TRERF1: variants seen among roughly 807,000 people sequenced by gnomAD.
TRERF1 encodes transcriptional-regulating factor 1.
In TRERF1, 27 loss-of-function variants were observed where a neutral mutation model predicts 122.9. That is an observed-to-expected ratio of 0.22 (90% confidence interval 0.16 to 0.30). The LOEUF (loss-of-function observed/expected upper bound fraction) is 0.30. Among genes scored for constraint, TRERF1 ranks in the 10% least tolerant of loss-of-function variants. The pLI is 1.00. For synonymous variants in TRERF1, 636 were observed against 641.7 expected (o/e 0.99, Z 0.13); for missense variants, 1,248 against 1,560.3 (o/e 0.80, Z 3.37).
chr6:42,378,151 G>A (rs1267968397), intron 2 of TRERF1, among the ~76,000 whole-genome samples: 2 of 152,076 alleles, frequency 1.3e-5, no homozygotes, highest in East Asian at 1.9e-4. Flanking sequence ...AGGGGTTGAA[G>A]GGAGGTGGAG....
chr6:42,263,319 C>A lies in TRERF1; in HGVS notation c.1884+1G>T. ...TGTGGGGGAGAGAGGGTCATCCTCA[C>A]GAGCACAGGCATCTCGTCGTCCGAC... is the stretch of plus-strand genomic sequence containing the variant. On this transcript the variant is annotated splice_donor_variant, in intron 8 of 17. Coordinates refer to ENST00000372922, the Ensembl canonical transcript of TRERF1. LOFTEE classifies it high-confidence loss of function. This position sits in a 1 kb window ranked among gnomAD's most constrained non-coding sequence, Gnocchi z 5.6. 1 of 1,609,810 alleles carries A rather than the reference C, an allele frequency of 6.2e-7. No individual in the cohort carries two copies. Among genetic ancestry groups the A allele is most frequent in the Non-Finnish European group, 8.5e-7 (1 of 1,177,890 alleles).
At chr6:42,324,943 A>T (rs2150502336) in intron 3 of TRERF1, among the ~76,000 whole-genome samples, 1 of 152,342 alleles carries the variant, frequency 6.6e-6, no homozygotes, top group African/African-American at 2.4e-5. Context: ...AACAAAAGAA[A>T]CTATCAACAG....
intron 2 of TRERF1, among the ~76,000 whole-genome samples, chr6:42,421,773 AAATTAATT>A (rs199561349): frequency 4.0e-5 from 6 of 151,856 alleles, no homozygotes; most frequent in East Asian, 3.9e-4. Context: ...TGCTGTCTCA[AAATTAATT>A]AATTAATTAA....
chr6:42,256,538 T>C (rs543605378), intron 12 of TRERF1, among the ~76,000 whole-genome samples, 190 bp downstream of exon 12: 2 of 151,900 alleles, frequency 1.3e-5, no homozygotes, highest in African/African-American at 2.4e-5. Flanking sequence ...AGAAATCCAA[T>C]TGGAGATTTT....
intron 3 of TRERF1, among the ~76,000 whole-genome samples, chr6:42,311,948 C>T (rs1475297951): frequency 1.3e-5 from 2 of 152,078 alleles, no homozygotes; most frequent in Non-Finnish European, 2.9e-5. Context: ...AAACCATCAA[C>T]ATTAATACAA....
chr6:42,309,060 G>A (rs1260315454), intron 3 of TRERF1, among the ~76,000 whole-genome samples: 1 of 152,000 alleles, frequency 6.6e-6, no homozygotes, highest in Non-Finnish European at 1.5e-5. Context: ...TACCATTAGA[G>A]ACTTTAACTC....
In TRERF1 at chr6:42,276,581, C is replaced by T. The variant is rs77740177; in HGVS notation, c.-258-6733G>A. ...CAGGATGTGGGCCGCAGTTCGCCGT[C>T]TTCTTTTTAGCACCGTTGTTGTTCT... On this transcript the variant is annotated intron_variant, in intron 4 of 17. Coordinates refer to ENST00000372922, the Ensembl canonical transcript of TRERF1. This position sits in a 1 kb window ranked among gnomAD's most constrained non-coding sequence, Gnocchi z 4.3. Among the ~76,000 whole-genome samples the T allele has an allele frequency of 4.5e-3, 692 of 152,328 alleles. 5 individuals carry two copies. The highest frequency in any genetic ancestry group is 0.016 in the African/African-American group (653 of 41,572).
chr6:42,366,194 T>G (rs1331533931), intron 2 of TRERF1, among the ~76,000 whole-genome samples: 1 of 152,188 alleles, frequency 6.6e-6, no homozygotes, highest in Admixed American at 6.5e-5. Context: ...GCATCTAGCT[T>G]CTCTGGGCAA....
At chr6:42,451,739 C>G (rs945474484) in intron 1 of TRERF1, among the ~76,000 whole-genome samples, 1 of 152,000 alleles carries the variant, frequency 6.6e-6, no homozygotes, top group African/African-American at 2.4e-5. Flanking sequence ...GCCCGCCAGC[C>G]CCCTTTCCCA....
chr6:42,284,575 A>G (rs1782860513), intron 4 of TRERF1, among the ~76,000 whole-genome samples: 1 of 152,142 alleles, frequency 6.6e-6, no homozygotes, highest in African/African-American at 2.4e-5. Flanking sequence ...ATTGGCTTAG[A>G]TCACATTTAA....
intron 2 of TRERF1, among the ~76,000 whole-genome samples, chr6:42,410,257 T>C (rs1286502813): frequency 1.3e-5 from 2 of 152,136 alleles, no homozygotes; most frequent in South Asian, 2.1e-4. Context: ...CCTCCCACCA[T>C]GCGATTCCTC....
chr6:42,246,386 T>C, intron 14 of TRERF1, 70 bp downstream of exon 14: 1 of 1,148,616 alleles, frequency 8.7e-7, no homozygotes. Context: ...TATCCAAATA[T>C]TTCTAAATAT....
intron 2 of TRERF1, among the ~76,000 whole-genome samples, chr6:42,434,705 CA>C (rs1171556823): frequency 3.3e-5 from 5 of 151,780 alleles, no homozygotes; most frequent in Admixed American, 1.3e-4. Context: ...CACACACACA[CA>C]CACACCCCTA....
In TRERF1 at chr6:42,258,175, C is replaced by A. The variant is rs59159203; in HGVS notation, c.2296G>T (p.Val766Phe). The change falls in exon 10 of 18, where the codon GTC becomes TTC. Residue 766 changes from valine (V) to phenylalanine (F), a missense_variant. This residue lies in a region of TRERF1 where 946 missense variants were observed against 1,073.0 expected (regional missense o/e 0.88). Transcript: ENST00000372922. ...GTCTGCTCTCCAGGCCCTGGGGTGA[C>A]CGTCACGTTGCTGCCATCGATGCTG... The A allele has an allele frequency of 6.8e-6, 11 of 1,614,188 alleles. No individual in the cohort carries two copies. The highest frequency in any genetic ancestry group is 6.7e-5 in the East Asian group (3 of 44,886).
At chr6:42,389,400 C>T (rs182064969) in intron 2 of TRERF1, among the ~76,000 whole-genome samples, 244 of 152,304 alleles carry the variant, frequency 1.6e-3, no homozygotes, top group Middle Eastern at 3.4e-3. Flanking sequence ...GTGAAGGCAA[C>T]GTGAGAGACG....
rs572540816 is a variant in TRERF1 at position 42,417,544 on chromosome 6, C to A, written c.-454+33633G>T. The stretch of plus-strand genomic sequence containing the variant: ...CAGCCCAGTATGATGAGGCACTAAA[C>A]AGTGCAGCAGAGAGTGGTCCAAGGG... On this transcript the variant is annotated intron_variant, in intron 2 of 17. Coordinates refer to ENST00000372922, the Ensembl canonical transcript of TRERF1. 3.6e-4 allele frequency among the ~76,000 whole-genome samples: 55 copies of A among 152,310 alleles called. No homozygotes were observed. In the South Asian group the frequency reaches 0.011, roughly 30 times the overall value.
intron 2 of TRERF1, among the ~76,000 whole-genome samples, chr6:42,390,159 G>A (rs1219092545): frequency 6.6e-6 from 1 of 152,206 alleles, no homozygotes; most frequent in African/African-American, 2.4e-5. Context: ...ACGTCTTCGA[G>A]TACAAGAGCT....
chr6:42,319,287 C>T (rs1005442588), intron 3 of TRERF1, among the ~76,000 whole-genome samples: 11 of 152,188 alleles, frequency 7.2e-5, no homozygotes, highest in Non-Finnish European at 1.3e-4. Flanking sequence ...TCTTTGCCCC[C>T]TTGGGCATGA....
At chr6:42,334,833 C>T (rs1205414757) in intron 3 of TRERF1, among the ~76,000 whole-genome samples, 5 of 152,166 alleles carry the variant, frequency 3.3e-5, no homozygotes, top group Admixed American at 1.3e-4. Flanking sequence ...ACCAAGGAGC[C>T]CCACGTGTGC....
Sources: allele counts gnomAD v4.1 joint callset (sites outside exome capture counted in the v4.1 genomes callset), GRCh38; gene constraint gnomAD v4.1.1; regional missense constraint gnomAD v4.1.1; non-coding constraint Gnocchi (gnomAD v3.1); transcripts MANE v1.5; gene names NCBI Gene and HGNC (gene_info 2026-07-23, HGNC 2026-07-21).